Variants in PYY observed in about 807,000 individuals in gnomAD.
PYY encodes the protein peptide YY, also known as peptide tyrosine tyrosine.
In PYY, 12 loss-of-function variants were observed where a neutral mutation model predicts 10.3. The observed-to-expected ratio is 1.17, with a 90% CI of 0.75 to 1.89. PYY has a LOEUF of 1.89. Ranked by LOEUF, PYY falls within the 40% of genes most tolerant of loss-of-function variation. The pLI, the probability that PYY is intolerant of heterozygous loss-of-function variation, is 0.00. For missense variants in PYY, 141 were observed against 134.0 expected (o/e 1.05, Z -0.26); for synonymous variants, 66 against 62.0 (o/e 1.06, Z -0.30).
At chr17:43,977,009 C>G (rs2143932098) in intron 1 of PYY, among the ~76,000 whole-genome samples, 1 of 152,200 alleles carries the variant, frequency 6.6e-6, no homozygotes, top group East Asian at 1.9e-4. Flanking sequence ...CTCCACAATT[C>G]TCACCAACTC....
chr17:43,995,847 C>A (rs983391262), intron 1 of PYY, among the ~76,000 whole-genome samples: 53 of 124,950 alleles, frequency 4.2e-4, no homozygotes, highest in African/African-American at 1.3e-3. Flanking sequence ...AAAAAAAAAA[C>A]GAAAAGAAGA....
chr17:43,957,712 T>C (rs1038377272), upstream of PYY, among the ~76,000 whole-genome samples: 1 of 152,026 alleles, frequency 6.6e-6, no homozygotes, highest in African/African-American at 2.4e-5. Flanking sequence ...GTCTGATAAG[T>C]GCTATAGAGA....
At chr17:43,992,565 G>A (rs991985423) in intron 1 of PYY, among the ~76,000 whole-genome samples, 1 of 152,002 alleles carries the variant, frequency 6.6e-6, no homozygotes, top group African/African-American at 2.4e-5. Flanking sequence ...AAATTAGCCG[G>A]GTGTGGTGGT....
intron 2 of PYY, among the ~76,000 whole-genome samples, chr17:43,963,602 G>GA (rs1555617118): frequency 1.1e-5 from 1 of 88,012 alleles, no homozygotes; most frequent in African/African-American, 3.5e-5. Context: ...AAGAAAGAAA[G>GA]AAAGAAAGAA....
chr17:43,995,032 C>T (rs1164277477), intron 1 of PYY, among the ~76,000 whole-genome samples: 1 of 152,210 alleles, frequency 6.6e-6, no homozygotes, highest in Non-Finnish European at 1.5e-5. Flanking sequence ...CCGGGACTAC[C>T]CGGGACTACC....
intron 1 of PYY, among the ~76,000 whole-genome samples, chr17:43,975,052 C>G (rs930790100): frequency 3.3e-5 from 5 of 152,076 alleles, no homozygotes; most frequent in Non-Finnish European, 7.4e-5. Flanking sequence ...TGAGCCATTT[C>G]GCCCACACAT....
intron 1 of PYY, among the ~76,000 whole-genome samples, chr17:43,991,453 C>A (rs573665997): frequency 6.6e-6 from 1 of 151,960 alleles, no homozygotes; most frequent in African/African-American, 2.4e-5. Context: ...TAAATAAGAT[C>A]TCAACTGGGA....
intron 1 of PYY, among the ~76,000 whole-genome samples, chr17:43,967,719 A>C (rs1181490940): frequency 6.6e-6 from 1 of 152,158 alleles, no homozygotes; most frequent in Non-Finnish European, 1.5e-5. Context: ...ACAGACACGC[A>C]CGGGGCAGCT....
intron 1 of PYY, among the ~76,000 whole-genome samples, chr17:43,989,809 TAAA>T (rs1174890162): frequency 6.7e-4 from 7 of 10,498 alleles, no homozygotes; most frequent in South Asian, 4.9e-3. Flanking sequence ...GCTGTCTCTT[TAAA>T]AAAAAAAAAA....
chr17:43,984,248 C>T (rs1345649874), intron 1 of PYY, among the ~76,000 whole-genome samples: 1 of 152,210 alleles, frequency 6.6e-6, no homozygotes, highest in African/African-American at 2.4e-5. Context: ...GATGTGGCCT[C>T]GGCCTGGCCG....
upstream of PYY, among the ~76,000 whole-genome samples, chr17:43,954,371 G>C (rs1006205872): frequency 1.3e-5 from 2 of 152,188 alleles, no homozygotes; most frequent in Non-Finnish European, 2.9e-5. Context: ...CTTTCCAAAA[G>C]ACAACCCTTT....
rs150072322 is a variant in PYY at position 43,992,921 on chromosome 17, C to T, written c.-463+11470G>A. 9.2e-5 allele frequency among the ~76,000 whole-genome samples: 14 copies of T among 152,256 alleles called. 1 individual carries two copies. The South Asian group carries it at 2.7e-3, about 29-fold the overall frequency. ...TGTCAGAGGAAGCGTGTCTGCCTTC[C>T]GGCCTCCAGACAGTGAGAGGACACA... On this transcript the variant is annotated intron_variant, in intron 1 of 6. Coordinates refer to the PYY transcript ENST00000360085.
At chr17:43,983,076 A>G (rs568163859) in intron 1 of PYY, among the ~76,000 whole-genome samples, 3 of 152,214 alleles carry the variant, frequency 2.0e-5, no homozygotes, top group African/African-American at 7.2e-5. Flanking sequence ...TACTAAAAAT[A>G]TAAAAATGAG....
chr17:43,995,989 A>C (rs1316744887), intron 1 of PYY, among the ~76,000 whole-genome samples: 2 of 152,060 alleles, frequency 1.3e-5, no homozygotes, highest in African/African-American at 2.4e-5. Context: ...CTCTGTCTCT[A>C]CAAAAAAAGA....
chr17:43,977,988 C>T (rs2048859601), intron 1 of PYY, among the ~76,000 whole-genome samples: 3 of 151,988 alleles, frequency 2.0e-5, no homozygotes, highest in Admixed American at 1.3e-4. Context: ...TTGCTTGAGC[C>T]CAGGAGTTCA....
At position 43,992,589 on chromosome 17, in the gene PYY, T is replaced by C. The variant is rs375877602; in HGVS notation, c.-463+11802A>G. On this transcript the variant is annotated intron_variant, in intron 1 of 6. Transcript: ENST00000360085. The stretch of plus-strand genomic sequence containing the variant: ...GGGTGTGGTGGTGCATGCCTGTAAT[T>C]CCAGCTACTCGGGAGGCTGAGGCAG... Among the ~76,000 whole-genome samples the C allele has an allele frequency of 1.4e-3, 211 of 151,772 alleles. 2 individuals are homozygous for C. The highest frequency in any genetic ancestry group is 4.9e-3 in the African/African-American group (204 of 41,382).
chr17:43,999,766 C>T (rs2049013699), intron 1 of PYY, among the ~76,000 whole-genome samples: 1 of 118,084 alleles, frequency 8.5e-6, no homozygotes, highest in African/African-American at 3.2e-5. Flanking sequence ...GAAACTCCGT[C>T]TCAAAAAAAA....
At chr17:43,979,966 CACAA>C (rs561847868) in intron 1 of PYY, among the ~76,000 whole-genome samples, 357 of 152,232 alleles carry the variant, frequency 2.3e-3, no homozygotes, top group African/African-American at 6.9e-3. Flanking sequence ...AATGGATTTT[CACAA>C]ACAAAGCGCA....
intron 1 of PYY, among the ~76,000 whole-genome samples, chr17:43,976,333 A>G (rs138837184): frequency 6.7e-6 from 1 of 149,368 alleles, no homozygotes; most frequent in African/African-American, 2.5e-5. Context: ...ACATGTATAC[A>G]TATACGTATA....
Sources: allele counts gnomAD v4.1 joint callset (sites outside exome capture counted in the v4.1 genomes callset), GRCh38; gene constraint gnomAD v4.1.1; transcripts MANE v1.5; gene names NCBI Gene and HGNC (gene_info 2026-07-23, HGNC 2026-07-21).